Variants in RANBP9 observed in about 807,000 individuals in gnomAD.
RANBP9 encodes ran-binding protein 9.
In RANBP9, 15 loss-of-function variants were observed where a neutral mutation model predicts 84.3. That is an observed-to-expected ratio of 0.18 (90% CI 0.12 to 0.27). RANBP9 has a LOEUF of 0.27. Ranked by LOEUF, RANBP9 falls within the 10% of genes least tolerant of loss-of-function variation. The pLI is 1.00. For missense variants in RANBP9, 809 were observed against 912.8 expected (o/e 0.89, Z 1.46); for synonymous variants, 392 against 349.6 (o/e 1.12, Z -1.35).
intron 5 of RANBP9, among the ~76,000 whole-genome samples, chr6:13,645,887 AAAC>A (rs1378220642): frequency 2.0e-5 from 3 of 152,240 alleles, no homozygotes; most frequent in African/African-American, 7.2e-5. Flanking sequence ...GTGTGTTTAA[AAAC>A]AACCGTTCAA....
rs1487264047 is a variant in RANBP9, at chr6:13,711,629, G to A, written c.-124C>T. 1.6e-5 allele frequency: 15 copies of A among 938,636 alleles called. No homozygotes were observed. The highest frequency in any genetic ancestry group is 4.7e-5 in the Admixed American group (1 of 21,158). 58.1% of individuals were successfully genotyped at this position (938,636 alleles called of 1,614,324 possible). A position where few individuals can be genotyped will look rare whatever the true frequency, so the allele number is the denominator to read the frequency against. On this transcript the variant is annotated 5_prime_UTR_variant, in exon 1 of 14. Transcript: ENST00000011619. Reference sequence around the variant, plus strand: ...CAGTCCGCCCGCCCCGGAAGCAGGCGGCGGGCCGCGCGCCCAGGGAGACCG... The same window carrying A: ...CAGTCCGCCCGCCCCGGAAGCAGGCAGCGGGCCGCGCGCCCAGGGAGACCG...
intron 9 of RANBP9, 137 bp downstream of exon 9, chr6:13,639,425 AC>A (rs1765011771): frequency 2.2e-6 from 2 of 896,156 alleles, no homozygotes; most frequent in Admixed American, 2.8e-5. Context: ...TGATCCGCCC[AC>A]CCTGGCCTCC....
At chr6:13,676,134 T>C (rs1309705410) in intron 2 of RANBP9, among the ~76,000 whole-genome samples, 1 of 152,060 alleles carries the variant, frequency 6.6e-6, no homozygotes, top group Admixed American at 6.5e-5. Flanking sequence ...ATAATAAATC[T>C]ATTAAATAAA....
At chr6:13,689,286 T>G (rs978146860) in intron 2 of RANBP9, among the ~76,000 whole-genome samples, 1 of 151,828 alleles carries the variant, frequency 6.6e-6, no homozygotes, top group South Asian at 2.1e-4. Flanking sequence ...TTTTTTTTTT[T>G]TGAGAGATGA....
At chr6:13,653,684 T>C (rs990839757) in intron 4 of RANBP9, among the ~76,000 whole-genome samples, 3 of 152,140 alleles carry the variant, frequency 2.0e-5, no homozygotes, top group African/African-American at 7.2e-5. Flanking sequence ...TCTAACTCTA[T>C]TTATTAATAA....
chr6:13,710,303 G>A (rs1000292408), intron 1 of RANBP9, among the ~76,000 whole-genome samples: 1 of 152,042 alleles, frequency 6.6e-6, no homozygotes, highest in Non-Finnish European at 1.5e-5. Flanking sequence ...CAATCGGGAG[G>A]GGTAGGTTTC....
intron 7 of RANBP9, among the ~76,000 whole-genome samples, chr6:13,642,014 T>C (rs1765076715): frequency 6.6e-6 from 1 of 152,200 alleles, no homozygotes; most frequent in Non-Finnish European, 1.5e-5. Flanking sequence ...TTGCCATTGT[T>C]ATACAGGACC....
chr6:13,699,209 A>AT (rs1463738684), intron 1 of RANBP9, among the ~76,000 whole-genome samples: 1 of 152,196 alleles, frequency 6.6e-6, no homozygotes, highest in Non-Finnish European at 1.5e-5. Flanking sequence ...AATCCCATAC[A>AT]TTTTTCCATT....
intron 5 of RANBP9, among the ~76,000 whole-genome samples, chr6:13,648,703 C>T (rs1008713037): frequency 1.3e-5 from 2 of 152,096 alleles, no homozygotes; most frequent in Admixed American, 6.5e-5. Flanking sequence ...GGTCTACATT[C>T]GATCTCTTTT....
chr6:13,635,861 T>C (rs1209233866), intron 10 of RANBP9, among the ~76,000 whole-genome samples: 4 of 151,992 alleles, frequency 2.6e-5, no homozygotes, highest in Non-Finnish European at 5.9e-5. Context: ...AACTCGTTCA[T>C]TTAACACACA....
chr6:13,642,886 C>A (rs539750467), intron 6 of RANBP9, among the ~76,000 whole-genome samples: 26 of 152,170 alleles, frequency 1.7e-4, no homozygotes, highest in Non-Finnish European at 3.4e-4. Context: ...CTTGGACTCT[C>A]ATTACCCCCA....
At chr6:13,684,578 C>T (rs191938953) in intron 2 of RANBP9, among the ~76,000 whole-genome samples, 111 of 152,224 alleles carry the variant, frequency 7.3e-4, no homozygotes, top group Non-Finnish European at 1.2e-3. Context: ...GTATGTAAAC[C>T]GCTGTCACAA....
chr6:13,627,525 G>A (rs980139191), intron 12 of RANBP9, among the ~76,000 whole-genome samples: 24 of 150,904 alleles, frequency 1.6e-4, no homozygotes, highest in South Asian at 6.3e-4. Flanking sequence ...AGCTACTCGG[G>A]AGGCTGAGGC....
At chr6:13,681,416 T>C (rs204227) in intron 2 of RANBP9, among the ~76,000 whole-genome samples, 2 of 152,152 alleles carry the variant, frequency 1.3e-5, no homozygotes, top group African/African-American at 4.8e-5. Flanking sequence ...CAATAATACA[T>C]TTTAAGTGCA....
At chr6:13,708,049 T>C (rs1275200144) in intron 1 of RANBP9, among the ~76,000 whole-genome samples, 1 of 152,264 alleles carries the variant, frequency 6.6e-6, no homozygotes, top group Non-Finnish European at 1.5e-5. Flanking sequence ...TAGTATTATC[T>C]AACATTAATC....
In RANBP9 at chr6:13,634,545, C is replaced by A; in HGVS notation, c.1681G>T (p.Val561Leu). 1 of 1,599,976 alleles carries A rather than the reference C, an allele frequency of 6.3e-7. No homozygotes were observed. Among genetic ancestry groups the A allele is most frequent in the South Asian group, 1.1e-5 (1 of 88,660 alleles). ...GAGTAGTGATCTGTTTCCATGTCTA[C>A]ATCATTACTGAAAACGAAAAAACAA... ...QQVNNFTSND[V>L]DMETDHYSNG... The change falls in exon 11 of 14, where the codon GTA becomes TTA. Residue 561 changes from valine to leucine, a missense_variant. Val to Leu is a conservative substitution (Grantham distance 32). Coordinates refer to ENST00000011619, the MANE Select transcript of RANBP9 (RefSeq NM_005493.3).
chr6:13,644,827 C>A, intron 5 of RANBP9, 98 bp from the exon 6 acceptor site: 1 of 989,576 alleles, frequency 1.0e-6, no homozygotes, highest in Non-Finnish European at 1.4e-6. Context: ...TATAAATTTA[C>A]TTCATATTTT....
At chr6:13,639,837 T>A in intron 8 of RANBP9, 84 bp from the exon 9 acceptor site, 1 of 1,200,806 alleles carries the variant, frequency 8.3e-7, no homozygotes, top group Non-Finnish European at 1.2e-6. Flanking sequence ...AAAATATTTT[T>A]AAAACTTTGA....
At chr6:13,696,667 G>C (rs1757838806) in intron 2 of RANBP9, 118 bp downstream of exon 2, 2 of 754,882 alleles carry the variant, frequency 2.6e-6, no homozygotes, top group African/African-American at 3.5e-5. Flanking sequence ...GAAATATTCA[G>C]ATTCCACTTT....
Sources: gnomAD v4.1 joint callset for allele counts (sites outside exome capture counted in the v4.1 genomes callset) on GRCh38, gnomAD v4.1.1 for gene constraint, MANE v1.5 for transcripts, NCBI Gene and HGNC (gene_info 2026-07-23, HGNC 2026-07-21) for gene names.